Variants in SYNDIG1 observed in about 807,000 individuals in gnomAD.
SYNDIG1 encodes the protein synapse differentiation inducing 1.
In SYNDIG1, 9 loss-of-function variants were observed where a neutral mutation model predicts 19.4. That is an observed-to-expected ratio of 0.46 (90% CI 0.28 to 0.81). The LOEUF is 0.81. Ranked by LOEUF, SYNDIG1 falls within the 30% of genes least tolerant of loss-of-function variation. The probability of loss-of-function intolerance (pLI) is 0.12; values close to 1 mark genes in which losing one functional copy is unlikely to be tolerated. For missense variants in SYNDIG1, 311 were observed against 343.3 expected (o/e 0.91, Z 0.74); for synonymous variants, 141 against 145.9 (o/e 0.97, Z 0.24).
intron 1 of SYNDIG1, among the ~76,000 whole-genome samples, chr20:24,506,847 G>A (rs144337546): frequency 6.6e-6 from 1 of 152,182 alleles, no homozygotes; most frequent in Non-Finnish European, 1.5e-5. Flanking sequence ...CACATGTGAG[G>A]GGCAGGTTTG....
intron 3 of SYNDIG1, among the ~76,000 whole-genome samples, chr20:24,661,440 A>AGAG (rs2059590842): frequency 1.5e-4 from 1 of 6,646 alleles, no homozygotes; most frequent in Non-Finnish European, 2.6e-4. Context: ...GGAGGAAGGA[A>AGAG]GGAGGAAAGA....
At chr20:24,599,099 G>C (rs757815187) in intron 3 of SYNDIG1, among the ~76,000 whole-genome samples, 23 of 151,926 alleles carry the variant, frequency 1.5e-4, no homozygotes, top group Non-Finnish European at 2.4e-4. Flanking sequence ...ATCTCACAAG[G>C]GATTAATATC....
At chr20:24,558,454 G>C (rs755122196) in intron 2 of SYNDIG1, among the ~76,000 whole-genome samples, 4 of 152,158 alleles carry the variant, frequency 2.6e-5, no homozygotes, top group Non-Finnish European at 5.9e-5. Context: ...GGACATACCT[G>C]AATCACATTT....
At chr20:24,588,761 G>A (rs1420856373) in intron 3 of SYNDIG1, among the ~76,000 whole-genome samples, 6 of 152,222 alleles carry the variant, frequency 3.9e-5, no homozygotes, top group Non-Finnish European at 8.8e-5. Flanking sequence ...TTCTGATGTT[G>A]CTCGGTTGTG....
At chr20:24,623,207 G>C (rs1453884531) in intron 3 of SYNDIG1, among the ~76,000 whole-genome samples, 1 of 151,540 alleles carries the variant, frequency 6.6e-6, no homozygotes, top group Non-Finnish European at 1.5e-5. Context: ...AAAAGAGACT[G>C]TGCAACTAAG....
At chr20:24,543,796 G>T (rs939924276) in intron 2 of SYNDIG1, among the ~76,000 whole-genome samples, 2 of 152,220 alleles carry the variant, frequency 1.3e-5, no homozygotes, top group Non-Finnish European at 2.9e-5. Context: ...CGCTTCACCG[G>T]TGATTCTGGT....
chr20:24,633,012 A>AC (rs1360081235), intron 3 of SYNDIG1, among the ~76,000 whole-genome samples: 5 of 151,568 alleles, frequency 3.3e-5, no homozygotes, highest in Non-Finnish European at 4.4e-5. Flanking sequence ...TCACAGAATA[A>AC]CCTTTCCCAT....
At chr20:24,551,309 T>C (rs952923764) in intron 2 of SYNDIG1, among the ~76,000 whole-genome samples, 3 of 152,228 alleles carry the variant, frequency 2.0e-5, no homozygotes, top group African/African-American at 7.2e-5. Flanking sequence ...TAAATCCTTT[T>C]ACTTTCTGTA....
At chr20:24,589,378 T>C (rs2058470365) in intron 3 of SYNDIG1, among the ~76,000 whole-genome samples, 2 of 152,246 alleles carry the variant, frequency 1.3e-5, no homozygotes, top group Admixed American at 6.5e-5. Context: ...TAAAGCCATA[T>C]TTTCTGCAAT....
chr20:24,592,595 C>T (rs4815281), intron 3 of SYNDIG1, among the ~76,000 whole-genome samples: 54,718 of 151,996 alleles, frequency 0.36, 10,186 homozygotes, highest in Admixed American at 0.44. Context: ...GATTTGCCCC[C>T]ACTTTCCAGG....
At position 24,658,728 on chromosome 20, in the gene SYNDIG1, G is replaced by A. The variant is rs1286462823; in HGVS notation, c.619-6618G>A. Among the ~76,000 whole-genome samples, 1 of 151,876 alleles carries A rather than the reference G, an allele frequency of 6.6e-6. No individual in the cohort carries two copies. The highest frequency in any genetic ancestry group is 2.4e-5 in the African/African-American group (1 of 41,328). Reference sequence around the variant, plus strand: ...CCCACAAAGTGCACAGCCCGGCAACGCCCAGAGCTTCGTTTCAGGCGTTCA... The same window carrying A: ...CCCACAAAGTGCACAGCCCGGCAACACCCAGAGCTTCGTTTCAGGCGTTCA... On this transcript the variant is annotated intron_variant, in intron 3 of 3. Coordinates refer to ENST00000376862, the MANE Select transcript of SYNDIG1 (RefSeq NM_024893.3). The surrounding 1 kb of genome is among the most constrained non-coding windows in gnomAD (Gnocchi z 4.4).
intron 1 of SYNDIG1, among the ~76,000 whole-genome samples, chr20:24,513,508 T>A (rs780871895): frequency 1.3e-5 from 2 of 152,098 alleles, no homozygotes; most frequent in Non-Finnish European, 2.9e-5. Context: ...TTCGATCAAC[T>A]GGAAGGAAGG....
chr20:24,587,743 G>T (rs2058441075), intron 3 of SYNDIG1, among the ~76,000 whole-genome samples: 1 of 152,248 alleles, frequency 6.6e-6, no homozygotes. Context: ...GTTGGGTCAA[G>T]GGGATGATGC....
At chr20:24,517,712 A>G (rs1600500330) in intron 1 of SYNDIG1, among the ~76,000 whole-genome samples, 1 of 146,410 alleles carries the variant, frequency 6.8e-6, no homozygotes, top group African/African-American at 2.5e-5. Flanking sequence ...ATATGTGTAT[A>G]TATATGTGTA....
intron 3 of SYNDIG1, among the ~76,000 whole-genome samples, chr20:24,661,520 AGGG>A (rs1568723337): frequency 6.5e-4 from 11 of 16,858 alleles, no homozygotes; most frequent in East Asian, 4.1e-3. Context: ...GGAAGGAGGG[AGGG>A]AGGAAAAAAG....
rs535408053 is a variant in SYNDIG1, at chr20:24,545,430, C to G, written c.480+1853C>G. On this transcript the variant is annotated intron_variant, in intron 2 of 3. Coordinates refer to ENST00000376862, the MANE Select transcript of SYNDIG1 (RefSeq NM_024893.3). ...TCTGAGGGCTTTGCTGACAGCAAAG[C>G]GTAAATGCTGCCCGACTCGCATGGA... Among the ~76,000 whole-genome samples the G allele has an allele frequency of 3.3e-5, 5 of 152,116 alleles. No individual in the cohort carries two copies. The South Asian group carries it at 1.0e-3, about 32-fold the overall frequency.
chr20:24,479,641 T>A (rs967022970), intron 1 of SYNDIG1, among the ~76,000 whole-genome samples: 1 of 152,314 alleles, frequency 6.6e-6, no homozygotes, highest in East Asian at 1.9e-4. Context: ...GCCTCTCTCT[T>A]GCATCTTTTC....
intron 3 of SYNDIG1, among the ~76,000 whole-genome samples, chr20:24,612,863 G>A (rs2058871315): frequency 6.6e-6 from 1 of 152,218 alleles, no homozygotes; most frequent in Admixed American, 6.5e-5. Context: ...CTTAGCAACA[G>A]GACACATCCT....
intron 1 of SYNDIG1, among the ~76,000 whole-genome samples, chr20:24,540,953 G>A (rs1442630691): frequency 7.9e-5 from 12 of 152,174 alleles, no homozygotes; most frequent in Non-Finnish European, 1.6e-4. Flanking sequence ...TTTTGGAAAA[G>A]TTTGAGAAGG....
Sources: gnomAD v4.1 joint callset for allele counts (sites outside exome capture counted in the v4.1 genomes callset) on GRCh38, gnomAD v4.1.1 for gene constraint, Gnocchi (gnomAD v3.1) non-coding constraint, MANE v1.5 for transcripts, NCBI Gene and HGNC (gene_info 2026-07-23, HGNC 2026-07-21) for gene names.